SFI1: variants seen among roughly 807,000 people sequenced by gnomAD.
SFI1 encodes SFI1 centrin binding protein.
A neutral mutation model predicts 207.5 loss-of-function variants in SFI1; 195 were observed. The observed-to-expected ratio is 0.94, with a 90% CI of 0.84 to 1.06. SFI1 has a LOEUF of 1.06. Among genes scored for constraint, SFI1 ranks in the 50% least tolerant of loss-of-function variants. The pLI, the probability that SFI1 is intolerant of heterozygous loss-of-function variation, is 0.00. For synonymous variants in SFI1, 630 were observed against 598.9 expected (o/e 1.05, Z -0.76); for missense variants, 1,634 against 1,588.0 (o/e 1.03, Z -0.49).
In SFI1 at chr22:31,592,797, C is replaced by G. The variant is rs766704011; in HGVS notation, c.1544+3220C>G. The stretch of plus-strand genomic sequence containing the variant: ...TCACCTCCCAGACGGGGCGGCTGGC[C>G]GGGGGGAGGGCTGACCCCCCCACCT... On this transcript the variant is annotated intron_variant, in intron 15 of 32. Transcript: ENST00000400288. Among the ~76,000 whole-genome samples, 720 of 130,552 alleles carry G rather than the reference C, an allele frequency of 5.5e-3. 3 individuals are homozygous for G. The highest frequency in any genetic ancestry group is 7.9e-3 in the Non-Finnish European group (484 of 60,892). The allele number at this position is 130,552 out of a possible 152,430, so 85.6% of individuals were successfully genotyped here.
At chr22:31,545,305 C>T (rs1255625468) in intron 4 of SFI1, among the ~76,000 whole-genome samples, 4 of 151,328 alleles carry the variant, frequency 2.6e-5, no homozygotes, top group Admixed American at 6.6e-5. Flanking sequence ...GCAGAGGTTG[C>T]GATGAACCGA....
At chr22:31,583,294 G>A (rs1052589785) in intron 12 of SFI1, among the ~76,000 whole-genome samples, 1 of 152,054 alleles carries the variant, frequency 6.6e-6, no homozygotes, top group African/African-American at 2.4e-5. Flanking sequence ...TGTATTTTTA[G>A]TAGAGACAGG....
intron 2 of SFI1, among the ~76,000 whole-genome samples, chr22:31,513,059 A>G (rs2055862426): frequency 1.3e-5 from 2 of 152,186 alleles, no homozygotes; most frequent in African/African-American, 4.8e-5. Context: ...GACTGGGATT[A>G]CAGGCGTCAG....
chr22:31,597,112 C>CT (rs1036209403), intron 15 of SFI1, among the ~76,000 whole-genome samples: 27 of 152,262 alleles, frequency 1.8e-4, no homozygotes, highest in Non-Finnish European at 2.6e-4. Flanking sequence ...GTACCCGTTT[C>CT]TTTTTTTACT....
intron 4 of SFI1, 25 bp from the exon 5 acceptor site, chr22:31,546,836 A>C: frequency 7.0e-7 from 1 of 1,424,566 alleles, no homozygotes; most frequent in South Asian, 1.2e-5. Context: ...CATCATATAT[A>C]TATATGATTT....
At position 31,575,232 on chromosome 22, in the gene SFI1, G is replaced by C; in HGVS notation, c.924G>C (p.Glu308Asp). Residue 308 changes from glutamate to aspartate, a missense_variant and splice_region_variant, in exon 10 of 33, where the codon GAG becomes GAC. Physicochemically the swap from Glu to Asp is conservative, Grantham distance 45 (BLOSUM62 2). Transcript: ENST00000400288. Reference protein sequence around the residue: ...QVRRVKRQQNEMAERFHHVTV... With the variant: ...QVRRVKRQQNDMAERFHHVTV... The stretch of plus-strand genomic sequence containing the variant: ...ACTTAAGTTATTTCTCTGTTGCAGA[G>C]ATGGCTGAGCGATTCCATCATGTCA... 1.9e-6 allele frequency: 3 copies of C among 1,607,466 alleles called. No individual in the cohort carries two copies. Among genetic ancestry groups the C allele is most frequent in the Non-Finnish European group, 2.5e-6 (3 of 1,176,868 alleles).
chr22:31,519,732 C>A (rs2147034249), intron 2 of SFI1, among the ~76,000 whole-genome samples: 2 of 151,986 alleles, frequency 1.3e-5, no homozygotes, highest in South Asian at 4.2e-4. Flanking sequence ...GCCACTGCAC[C>A]CGGCCTAATT....
rs532871547 is a variant in SFI1, at chr22:31,522,688, G to A, written c.93-6002G>A. Among the ~76,000 whole-genome samples, 21 of 151,912 alleles carry A rather than the reference G, an allele frequency of 1.4e-4. No individual in the cohort carries two copies. In the East Asian group the frequency reaches 4.1e-3, roughly 29 times the overall value. ...TTTTTTTCTTTTGAGATGGAGTCTCGCTCTGTCACCAGGCTGGAGTGCAGT... is the reference window on the plus strand; with the variant it reads ...TTTTTTTCTTTTGAGATGGAGTCTCACTCTGTCACCAGGCTGGAGTGCAGT... On this transcript the variant is annotated intron_variant, in intron 2 of 32. Transcript: ENST00000400288.
chr22:31,575,085 CGTGTGTGTGTGTGTGTGT>C (rs71679890), intron 9 of SFI1, 128 bp from the exon 10 acceptor site: 67,624 of 285,422 alleles, frequency 0.24, 8,173 homozygotes, highest in East Asian at 0.41. Context: ...AAACTTAGTG[CGTGTGTGTGTGTGTGTGT>C]GTGTGTGTGT....
intron 4 of SFI1, among the ~76,000 whole-genome samples, chr22:31,539,048 G>A (rs992721603): frequency 1.3e-5 from 2 of 152,074 alleles, no homozygotes; most frequent in African/African-American, 4.8e-5. Context: ...GGTCAGAAAT[G>A]GTGAAGTCAT....
At chr22:31,608,077 A>G in intron 22 of SFI1, 44 bp downstream of exon 22, 1 of 1,512,012 alleles carries the variant, frequency 6.6e-7, no homozygotes, top group Non-Finnish European at 9.2e-7. Flanking sequence ...GAATGTGAAG[A>G]CAGCGCTGTT....
chr22:31,524,587 CA>C (rs2057680483), intron 2 of SFI1, among the ~76,000 whole-genome samples: 1 of 151,670 alleles, frequency 6.6e-6, no homozygotes, highest in Non-Finnish European at 1.5e-5. Context: ...CATGCTTGGC[CA>C]ATTTTTTGTA....
At chr22:31,549,428 A>G (rs2060425868) in intron 5 of SFI1, among the ~76,000 whole-genome samples, 2 of 151,468 alleles carry the variant, frequency 1.3e-5, no homozygotes, top group African/African-American at 4.9e-5. Context: ...GCTCACTGCA[A>G]CCACTGCCTC....
At position 31,561,291 on chromosome 22, in the gene SFI1, G is replaced by C; in HGVS notation, c.664G>C (p.Val222Leu). 2.5e-6 allele frequency: 4 copies of C among 1,613,836 alleles called. No individual in the cohort carries two copies. The highest frequency in any genetic ancestry group is 3.4e-6 in the Non-Finnish European group (4 of 1,179,836). ...CATCTTTGATTTGCTGTTTCACAGG[G>C]TGTGGTGGAGCACGTGGAGGCAGCG... ...LEFRQRIILR[V>L]WWSTWRQRLG... Residue 222 changes from valine to leucine, a missense_variant and splice_region_variant, in exon 8 of 33, where the codon GTG becomes CTG. Transcript: ENST00000400288.
At chr22:31,504,604 C>G (rs1301071554) in intron 1 of SFI1, among the ~76,000 whole-genome samples, 1 of 152,156 alleles carries the variant, frequency 6.6e-6, no homozygotes, top group Non-Finnish European at 1.5e-5. Context: ...CAAAGTACCA[C>G]AAACCGGGTG....
chr22:31,515,975 G>T (rs999238917), intron 2 of SFI1, among the ~76,000 whole-genome samples: 1 of 151,668 alleles, frequency 6.6e-6, no homozygotes, highest in Non-Finnish European at 1.5e-5. Context: ...TGATCCACCT[G>T]CCTTGGCCTC....
At chr22:31,580,500 C>A in intron 12 of SFI1, 136 bp downstream of exon 12, 1 of 554,730 alleles carries the variant, frequency 1.8e-6, no homozygotes, top group Non-Finnish European at 3.2e-6. Context: ...AGACTGTCAA[C>A]TGTAAAACCT....
chr22:31,593,094 A>C (rs1409436605), intron 15 of SFI1, among the ~76,000 whole-genome samples: 14 of 90,092 alleles, frequency 1.6e-4, no homozygotes, highest in South Asian at 4.4e-4. Context: ...CTGACCCCCC[A>C]CCTCCCTCCC....
intron 2 of SFI1, among the ~76,000 whole-genome samples, chr22:31,520,680 A>C (rs2057119510): frequency 6.6e-6 from 1 of 152,002 alleles, no homozygotes; most frequent in South Asian, 2.1e-4. Context: ...TATCTAAAAA[A>C]ATAGTCATCT....
Sources: gnomAD v4.1 joint callset for allele counts (sites outside exome capture counted in the v4.1 genomes callset) on GRCh38, gnomAD v4.1.1 for gene constraint, MANE v1.5 for transcripts, NCBI Gene and HGNC (gene_info 2026-07-23, HGNC 2026-07-21) for gene names.